The following MAP1B variants were observed in gnomAD, a reference collection of about 807,000 sequenced individuals.
MAP1B encodes the protein microtubule-associated protein 1B.
In MAP1B, 12 loss-of-function variants were observed where a neutral mutation model predicts 176.1. The observed-to-expected ratio is 0.07, with a 90% CI of 0.04 to 0.11. The LOEUF is 0.11. MAP1B is among the 10% of genes least tolerant of loss of function. The pLI is 1.00. For synonymous variants in MAP1B, 1,044 were observed against 1,135.0 expected (o/e 0.92, Z 1.61); for missense variants, 2,523 against 2,990.5 (o/e 0.84, Z 3.65).
At chr5:72,182,241 C>T (rs1746787125) in intron 2 of MAP1B, among the ~76,000 whole-genome samples, 2 of 152,278 alleles carry the variant, frequency 1.3e-5, no homozygotes, top group South Asian at 2.1e-4. Flanking sequence ...TCCCCATTCC[C>T]CTTCCCTTAG....
chr5:72,184,965 A>C (rs1489151263), intron 3 of MAP1B, among the ~76,000 whole-genome samples: 7 of 152,200 alleles, frequency 4.6e-5, no homozygotes, highest in African/African-American at 1.7e-4. Context: ...GCTCATCAGC[A>C]GTCGGTCTCC....
intron 2 of MAP1B, 125 bp downstream of exon 2, chr5:72,115,924 A>G (rs1745427509): frequency 1.5e-6 from 1 of 665,450 alleles, no homozygotes; most frequent in African/African-American, 1.8e-5. Flanking sequence ...ATTTGTTATT[A>G]TCAACTAGGT....
At chr5:72,166,523 C>G (rs560423317) in intron 2 of MAP1B, among the ~76,000 whole-genome samples, 19 of 152,190 alleles carry the variant, frequency 1.2e-4, no homozygotes, top group Non-Finnish European at 2.5e-4. Context: ...GAGGTCGAGA[C>G]AGCAGCTTCC....
chr5:72,122,825 A>C (rs1205803134), intron 2 of MAP1B, among the ~76,000 whole-genome samples: 1 of 152,124 alleles, frequency 6.6e-6, no homozygotes, highest in African/African-American at 2.4e-5. Context: ...CCCCTCCATT[A>C]AACCCAACTA....
At chr5:72,151,311 C>T (rs1195309107) in intron 2 of MAP1B, among the ~76,000 whole-genome samples, 2 of 152,142 alleles carry the variant, frequency 1.3e-5, no homozygotes, top group African/African-American at 4.8e-5. Flanking sequence ...GGATCTGCCC[C>T]CATGACCCAG....
chr5:72,183,803 C>T lies in MAP1B; in HGVS notation c.347C>T (p.Ser116Phe). The T allele has an allele frequency of 6.2e-7, 1 of 1,614,120 alleles. No individual in the cohort carries two copies. Among genetic ancestry groups the T allele is most frequent in the Non-Finnish European group, 8.5e-7 (1 of 1,179,988 alleles). Residue 116 changes from serine to phenylalanine, a missense_variant, in exon 3 of 7, where the codon TCT becomes TTT. Around this residue, in one of 4 missense-constraint regions of MAP1B, gnomAD observed 307 missense variants for 438.4 expected, o/e 0.70. Coordinates refer to ENST00000296755, the MANE Select transcript of MAP1B (RefSeq NM_005909.5). ...VLETVVLINP[S>F]DEAVSTEVRL... ...GAAACAGTGGTCCTGATCAACCCTTCTGATGAAGCAGTCAGCACCGAGGTA... is the reference window on the plus strand; with the variant it reads ...GAAACAGTGGTCCTGATCAACCCTTTTGATGAAGCAGTCAGCACCGAGGTA...
At position 72,197,401 on chromosome 5, in the gene MAP1B, C is replaced by T. The variant is rs982524609; in HGVS notation, c.4046C>T (p.Pro1349Leu). Reference sequence around the variant, plus strand: ...ACTGACGAGAAATCCAGTCATCTCCCTACAGAAGTCATTGAAAAACCACCA... The same window carrying T: ...ACTGACGAGAAATCCAGTCATCTCCTTACAGAAGTCATTGAAAAACCACCA... Reference protein sequence around the residue: ...SPTDEKSSHLPTEVIEKPPAV... With the variant: ...SPTDEKSSHLLTEVIEKPPAV... The change falls in exon 5 of 7, where the codon CCT becomes CTT. Residue 1349 changes from proline to leucine, a missense_variant. Transcript: ENST00000296755. The T allele has an allele frequency of 3.1e-6, 5 of 1,614,092 alleles. No individual in the cohort carries two copies. Among genetic ancestry groups the T allele is most frequent in the Non-Finnish European group, 3.4e-6 (4 of 1,180,038 alleles).
chr5:72,202,602 G>A (rs780130790), intron 5 of MAP1B, among the ~76,000 whole-genome samples: 2 of 152,136 alleles, frequency 1.3e-5, no homozygotes, highest in Non-Finnish European at 2.9e-5. Context: ...TATTAGAATC[G>A]CCTGGGGTGC....
chr5:72,140,368 T>C (rs1157530511), intron 2 of MAP1B, among the ~76,000 whole-genome samples: 1 of 152,244 alleles, frequency 6.6e-6, no homozygotes, highest in Non-Finnish European at 1.5e-5. Flanking sequence ...ATCCTTATTA[T>C]CTGCAATGCA....
At chr5:72,169,560 T>C (rs926814248) in intron 2 of MAP1B, 2 of 154,390 alleles carry the variant, frequency 1.3e-5, no homozygotes, top group Non-Finnish European at 2.9e-5. Flanking sequence ...AGTGAGTGTT[T>C]GTGTGTAACT....
At chr5:72,182,402 C>T (rs1008234415) in intron 2 of MAP1B, among the ~76,000 whole-genome samples, 1 of 152,122 alleles carries the variant, frequency 6.6e-6, no homozygotes. Context: ...TTGGCATTAT[C>T]AGAACTTCAT....
intron 4 of MAP1B, among the ~76,000 whole-genome samples, chr5:72,191,804 C>T (rs2112227834): frequency 6.6e-6 from 1 of 152,320 alleles, no homozygotes; most frequent in South Asian, 2.1e-4. Context: ...TCTTTCATGA[C>T]CTCTGACTTC....
In MAP1B at chr5:72,186,529, A is replaced by G. The variant is rs1746901159; in HGVS notation, c.370-85A>G. On this transcript the variant is annotated intron_variant, in intron 3 of 6. Transcript: ENST00000296755. This position sits in a 1 kb window ranked among gnomAD's most constrained non-coding sequence, Gnocchi z 4.3. Reference sequence around the variant, plus strand: ...TGCTTTTTGCTGGTAATAAACTCCCATGGCTCCGAAGGCTAGCCCTGTCCT... The same window carrying G: ...TGCTTTTTGCTGGTAATAAACTCCCGTGGCTCCGAAGGCTAGCCCTGTCCT... The G allele has an allele frequency of 9.3e-6, 14 of 1,513,082 alleles. No individual in the cohort carries two copies. Among genetic ancestry groups the G allele is most frequent in the Non-Finnish European group, 1.3e-5 (14 of 1,116,314 alleles). The allele number at this position is 1,513,082 out of a possible 1,614,324, so 93.7% of individuals were successfully genotyped here. A position where few individuals can be genotyped will look rare whatever the true frequency, so the allele number is the denominator to read the frequency against.
intron 5 of MAP1B, among the ~76,000 whole-genome samples, chr5:72,201,844 T>C (rs1478617325): frequency 2.0e-5 from 3 of 152,180 alleles, no homozygotes; most frequent in Non-Finnish European, 4.4e-5. Context: ...TACATGCACA[T>C]AGAAAATAAT....
chr5:72,115,863 C>G, intron 2 of MAP1B, 64 bp downstream of exon 2: 1 of 1,199,712 alleles, frequency 8.3e-7, no homozygotes, highest in Non-Finnish European at 1.2e-6. Context: ...AGCTAGAAAG[C>G]TTTGTCTGAG....
At position 72,195,209 on chromosome 5, in the gene MAP1B, C is replaced by T. The variant is rs373344169; in HGVS notation, c.1854C>T (p.Ala618=). 66 of 1,613,536 alleles carry T rather than the reference C, an allele frequency of 4.1e-5. 1 individual carries two copies. The highest frequency in any genetic ancestry group is 1.0e-4 in the Admixed American group (6 of 59,944). ...AAGAAGAGCCATCTCCAGTGAAAGC[C>T]GAGGTGGCTGAGAAGCAAGCCACAG... ...PSKEEPSPVK[A]EVAEKQATDV... Residue 618 remains alanine (A), a synonymous_variant, in exon 5 of 7, where the codon GCC becomes GCT. Coordinates refer to ENST00000296755, the MANE Select transcript of MAP1B (RefSeq NM_005909.5).
Position 72,198,730 on chromosome 5 carries a change from C to T in MAP1B, c.5375C>T (p.Ser1792Phe). ...ATCTCTCCACTCACCCCACGAGAGT[C>T]CTCTCCTTTATATTCACCTACTTTT... ...SDISPLTPRE[S>F]SPLYSPTFSD... is the part of the protein sequence containing the mutation. The change falls in exon 5 of 7, where the codon TCC becomes TTC. Residue 1792 changes from serine to phenylalanine, a missense_variant. Physicochemically the swap from Ser to Phe is radical, Grantham distance 155 (BLOSUM62 -2). Coordinates refer to ENST00000296755, the MANE Select transcript of MAP1B (RefSeq NM_005909.5). 1.2e-6 allele frequency: 2 copies of T among 1,614,156 alleles called. No individual in the cohort carries two copies. The highest frequency in any genetic ancestry group is 1.7e-6 in the Non-Finnish European group (2 of 1,180,022).
chr5:72,156,153 C>T (rs190101773), intron 2 of MAP1B, among the ~76,000 whole-genome samples: 3 of 152,282 alleles, frequency 2.0e-5, no homozygotes, highest in East Asian at 1.9e-4. Context: ...CCTTCAGAAA[C>T]ACTGGTTTTC....
At chr5:72,179,284 C>T (rs1440083439) in intron 2 of MAP1B, among the ~76,000 whole-genome samples, 3 of 152,134 alleles carry the variant, frequency 2.0e-5, no homozygotes, top group African/African-American at 4.8e-5. Context: ...AGACCGATGC[C>T]GGGGAAAGTT....
Sources: gnomAD v4.1 joint callset for allele counts (sites outside exome capture counted in the v4.1 genomes callset) on GRCh38, gnomAD v4.1.1 for gene constraint, gnomAD v4.1.1 regional missense constraint, Gnocchi (gnomAD v3.1) non-coding constraint, MANE v1.5 for transcripts, NCBI Gene and HGNC (gene_info 2026-07-23, HGNC 2026-07-21) for gene names.